NAV3: variants seen among roughly 807,000 people sequenced by gnomAD.
NAV3 encodes the protein neuron navigator 3.
In NAV3, 87 loss-of-function variants were observed where a neutral mutation model predicts 244.7. That is an observed-to-expected ratio of 0.36 (90% CI 0.30 to 0.42). The LOEUF (loss-of-function observed/expected upper bound fraction) is 0.42, where lower values mean the gene tolerates loss of function less well. NAV3 is among the 20% of genes least tolerant of loss of function. The probability of loss-of-function intolerance (pLI) is 1.00; values close to 1 mark genes in which losing one functional copy is unlikely to be tolerated. For missense variants in NAV3, 2,663 were observed against 2,893.3 expected (o/e 0.92, Z 1.83); for synonymous variants, 1,126 against 1,042.2 (o/e 1.08, Z -1.55).
intron 1 of NAV3, among the ~76,000 whole-genome samples, chr12:77,923,601 A>G (rs1417466592): frequency 6.6e-6 from 1 of 152,152 alleles, no homozygotes; most frequent in Admixed American, 6.6e-5. Flanking sequence ...AACAAACAAA[A>G]TGACCTATTT....
intron 2 of NAV3, among the ~76,000 whole-genome samples, chr12:77,576,763 AAG>A (rs1354060014): frequency 1.3e-5 from 2 of 152,126 alleles, no homozygotes; most frequent in African/African-American, 4.8e-5. Flanking sequence ...TCAATAAAAA[AAG>A]AAAGTTTAGT....
chr12:77,706,599 C>T (rs986035332), intron 2 of NAV3, among the ~76,000 whole-genome samples: 2 of 151,164 alleles, frequency 1.3e-5, no homozygotes, highest in Admixed American at 6.6e-5. Flanking sequence ...AGGCTGGGTG[C>T]GGTGGCTCAT....
chr12:77,845,086 T>A (rs1241438030), intron 1 of NAV3, among the ~76,000 whole-genome samples: 3 of 152,186 alleles, frequency 2.0e-5, no homozygotes, highest in Non-Finnish European at 4.4e-5. Context: ...AGCATAGAAC[T>A]AACGAGAAAA....
At chr12:78,045,142 G>C (rs934198917) in intron 9 of NAV3, among the ~76,000 whole-genome samples, 2 of 152,088 alleles carry the variant, frequency 1.3e-5, no homozygotes, top group Non-Finnish European at 2.9e-5. Context: ...GCATGAAGGG[G>C]TGTTGAATTT....
intron 30 of NAV3, among the ~76,000 whole-genome samples, chr12:78,184,196 C>T (rs1958616055): frequency 6.6e-6 from 1 of 151,830 alleles, no homozygotes; most frequent in African/African-American, 2.4e-5. Flanking sequence ...GGTATTCATT[C>T]CCAATATGCA....
intron 30 of NAV3, among the ~76,000 whole-genome samples, chr12:78,184,421 T>C (rs1958626207): frequency 6.6e-6 from 1 of 151,730 alleles, no homozygotes; most frequent in Non-Finnish European, 1.5e-5. Context: ...GTGGAGTAGG[T>C]GAAAAGGTGA....
At chr12:77,851,334 C>T (rs1877490359) in intron 1 of NAV3, among the ~76,000 whole-genome samples, 1 of 152,118 alleles carries the variant, frequency 6.6e-6, no homozygotes, top group African/African-American at 2.4e-5. Flanking sequence ...GCTATTTGAA[C>T]CTTTATTTAC....
At chr12:77,840,494 G>C (rs963446243) in intron 1 of NAV3, among the ~76,000 whole-genome samples, 1 of 152,186 alleles carries the variant, frequency 6.6e-6, no homozygotes, top group East Asian at 1.9e-4. Context: ...AGCAATGGAA[G>C]AGGGACAAAT....
intron 1 of NAV3, among the ~76,000 whole-genome samples, chr12:77,914,575 C>T (rs1374367590): frequency 1.3e-5 from 2 of 152,140 alleles, no homozygotes; most frequent in East Asian, 1.9e-4. Context: ...GGACTAAATT[C>T]CCTCAAAGGG....
intron 1 of NAV3, among the ~76,000 whole-genome samples, chr12:77,888,261 G>T (rs551101446): frequency 6.6e-6 from 1 of 152,168 alleles, no homozygotes; most frequent in South Asian, 2.1e-4. Context: ...GAGGCAGGGG[G>T]ATTACTTGAG....
intron 2 of NAV3, among the ~76,000 whole-genome samples, chr12:77,734,033 G>T (rs986957973): frequency 3.3e-5 from 5 of 151,714 alleles, no homozygotes; most frequent in African/African-American, 9.7e-5. Flanking sequence ...TTAAGGGAAA[G>T]AATTAGAAAA....
At chr12:77,633,360 C>T (rs1276223914) in intron 2 of NAV3, among the ~76,000 whole-genome samples, 1 of 151,904 alleles carries the variant, frequency 6.6e-6, no homozygotes, top group Non-Finnish European at 1.5e-5. Context: ...CAAATATATA[C>T]CTAATGTAAA....
At chr12:77,939,436 ATT>A (rs1164698350) in intron 1 of NAV3, among the ~76,000 whole-genome samples, 1 of 152,212 alleles carries the variant, frequency 6.6e-6, no homozygotes, top group East Asian at 1.9e-4. Flanking sequence ...CATTTCAAAT[ATT>A]TTGTTTTTCT....
chr12:77,766,602 A>G (rs1869765005), intron 2 of NAV3, among the ~76,000 whole-genome samples: 1 of 152,152 alleles, frequency 6.6e-6, no homozygotes, highest in South Asian at 2.1e-4. Context: ...GGATAGTTAC[A>G]GGGCATCTGA....
intron 9 of NAV3, among the ~76,000 whole-genome samples, chr12:78,037,713 C>A (rs17044790): frequency 0.023 from 3,441 of 152,180 alleles, 139 homozygotes; most frequent in African/African-American, 0.077. Flanking sequence ...ACATGTTTTT[C>A]ACCTACTCAT....
intron 1 of NAV3, among the ~76,000 whole-genome samples, chr12:77,893,782 T>A (rs1377983571): frequency 6.6e-6 from 1 of 152,182 alleles, no homozygotes; most frequent in Non-Finnish European, 1.5e-5. Context: ...CAGTGGTGGT[T>A]AAATCAAAGG....
At chr12:78,110,789 T>C (rs1280952722) in intron 12 of NAV3, among the ~76,000 whole-genome samples, 1 of 152,062 alleles carries the variant, frequency 6.6e-6, no homozygotes, top group Non-Finnish European at 1.5e-5. Context: ...CCATTATACA[T>C]ATTCCATTTC....
chr12:77,657,761 GATCAAGTGGGCTTC>G (rs1873193147), intron 2 of NAV3, among the ~76,000 whole-genome samples: 1 of 152,134 alleles, frequency 6.6e-6, no homozygotes, highest in African/African-American at 2.4e-5. Context: ...TATCCACCAT[GATCAAGTGGGCTTC>G]ATCCCTGGGA....
At chr12:77,834,455 C>G (rs1874269520) in intron 1 of NAV3, among the ~76,000 whole-genome samples, 1 of 152,134 alleles carries the variant, frequency 6.6e-6, no homozygotes, top group African/African-American at 2.4e-5. Context: ...AAATATTTAT[C>G]TTTTTGCAAA....
Sources: allele counts gnomAD v4.1 joint callset (sites outside exome capture counted in the v4.1 genomes callset), GRCh38; gene constraint gnomAD v4.1.1; transcripts MANE v1.5; gene names NCBI Gene and HGNC (gene_info 2026-07-23, HGNC 2026-07-21).